The following MECOM variants were observed in gnomAD, a reference collection of about 807,000 sequenced individuals.
MECOM encodes the protein histone-lysine N-methyltransferase MECOM.
Under a neutral mutation model 116.3 loss-of-function variants are expected in MECOM, and 13 were observed. That is an observed-to-expected ratio of 0.11 (90% CI 0.07 to 0.18). The LOEUF (loss-of-function observed/expected upper bound fraction) is 0.18. MECOM is among the 10% of genes least tolerant of loss of function. MECOM has a pLI of 1.00. For synonymous variants in MECOM, 528 were observed against 535.2 expected, an observed-to-expected ratio of 0.99 and a Z score of 0.19; for missense variants, 1,299 against 1,509.0, an observed-to-expected ratio of 0.86 and a Z score of 2.31.
At chr3:169,555,623 C>T in intron 1 of MECOM, among the ~76,000 whole-genome samples, 1 of 152,168 alleles carries the variant, frequency 6.6e-6, no homozygotes, top group East Asian at 1.9e-4. Flanking sequence ...ATCTTGAATG[C>T]CCAGCCTGAC....
At chr3:169,102,925 G>A (rs1724088501) in intron 10 of MECOM, among the ~76,000 whole-genome samples, 1 of 151,790 alleles carries the variant, frequency 6.6e-6, no homozygotes, top group South Asian at 2.1e-4. Flanking sequence ...AACTTGGCAT[G>A]TGCCTTGTAA....
intron 2 of MECOM, among the ~76,000 whole-genome samples, chr3:169,299,579 A>T (rs1031136068): frequency 7.9e-5 from 12 of 152,140 alleles, no homozygotes; most frequent in African/African-American, 2.9e-4. Flanking sequence ...GACCAGACAG[A>T]CCCCATCTCA....
At chr3:169,186,386 G>A (rs372010932) in intron 2 of MECOM, among the ~76,000 whole-genome samples, 20 of 72,604 alleles carry the variant, frequency 2.8e-4, no homozygotes, top group African/African-American at 6.9e-4. Context: ...GGAAGGGAGG[G>A]AGGGAGGGAG....
At chr3:169,652,038 T>G (rs961492389) in intron 1 of MECOM, among the ~76,000 whole-genome samples, 2 of 152,124 alleles carry the variant, frequency 1.3e-5, no homozygotes, top group Non-Finnish European at 2.9e-5. Context: ...GAAAAAAGAT[T>G]GATAAAAACT....
intron 1 of MECOM, among the ~76,000 whole-genome samples, chr3:169,457,972 C>T (rs1463615543): frequency 6.6e-6 from 1 of 152,222 alleles, no homozygotes; most frequent in Non-Finnish European, 1.5e-5. Context: ...TATTACCTGC[C>T]TAAGCAAATC....
chr3:169,417,768 C>T (rs1738928234), intron 1 of MECOM, among the ~76,000 whole-genome samples: 1 of 151,996 alleles, frequency 6.6e-6, no homozygotes. Context: ...CCATGGAATA[C>T]TATGCAGCCA....
chr3:169,311,482 G>T (rs1443487054), intron 2 of MECOM, among the ~76,000 whole-genome samples: 2 of 152,170 alleles, frequency 1.3e-5, no homozygotes, highest in African/African-American at 4.8e-5. Context: ...TGATTAGCTT[G>T]TAGTGCACAT....
In MECOM at chr3:169,648,726, A is replaced by G. The variant is rs76104579; in HGVS notation, c.37+14610T>C. Among the ~76,000 whole-genome samples, 467 of 152,372 alleles carry G rather than the reference A, an allele frequency of 3.1e-3. 3 individuals are homozygous for G. Among genetic ancestry groups the G allele is most frequent in the African/African-American group, 0.011 (447 of 41,596 alleles). On this transcript the variant is annotated intron_variant, in intron 1 of 16. Transcript: ENST00000651503. ...TATTCTTATTTCTGTTTCATGAACA[A>G]GAAAATCACATGCCAGCCTGAAAGA...
At chr3:169,480,497 C>CT (rs1253350845) in intron 1 of MECOM, among the ~76,000 whole-genome samples, 1 of 152,144 alleles carries the variant, frequency 6.6e-6, no homozygotes, top group East Asian at 1.9e-4. Flanking sequence ...CTCTTTCCCA[C>CT]TTTTTTTCTC....
intron 2 of MECOM, among the ~76,000 whole-genome samples, chr3:169,170,519 C>T (rs373070469): frequency 1.3e-5 from 2 of 151,816 alleles, no homozygotes; most frequent in East Asian, 3.9e-4. Flanking sequence ...GATGAAGTCA[C>T]AGCTCAAATG....
chr3:169,087,622 A>G (rs1718253557), intron 16 of MECOM, among the ~76,000 whole-genome samples: 1 of 152,058 alleles, frequency 6.6e-6, no homozygotes, highest in Non-Finnish European at 1.5e-5. Context: ...AGTAACAAAA[A>G]ACCAAAAACC....
chr3:169,566,020 C>A, intron 1 of MECOM: 1 of 425,154 alleles, frequency 2.4e-6, no homozygotes, highest in South Asian at 1.7e-5. Flanking sequence ...TGGTGGAAGG[C>A]GAAGGGGAAA....
At chr3:169,250,890 T>G (rs1756167758) in intron 2 of MECOM, among the ~76,000 whole-genome samples, 1 of 152,218 alleles carries the variant, frequency 6.6e-6, no homozygotes, top group Admixed American at 6.5e-5. Flanking sequence ...GCCAGCATTT[T>G]GAGAATAGAG....
intron 1 of MECOM, among the ~76,000 whole-genome samples, chr3:169,440,674 T>G (rs1056080759): frequency 4.6e-5 from 7 of 152,212 alleles, no homozygotes; most frequent in African/African-American, 1.7e-4. Context: ...TAATGAGACC[T>G]GTTATCATTG....
At chr3:169,227,485 T>C (rs1485455354) in intron 2 of MECOM, among the ~76,000 whole-genome samples, 1 of 152,204 alleles carries the variant, frequency 6.6e-6, no homozygotes, top group African/African-American at 2.4e-5. Context: ...GTATAGATTT[T>C]CTTTTCTCTG....
chr3:169,109,397 T>C (rs574867924), intron 9 of MECOM, among the ~76,000 whole-genome samples: 20 of 151,214 alleles, frequency 1.3e-4, no homozygotes, highest in African/African-American at 1.7e-4. Context: ...CTTTTAATTT[T>C]GATGTATGCA....
intron 1 of MECOM, among the ~76,000 whole-genome samples, chr3:169,620,658 G>A (rs1330337090): frequency 6.6e-6 from 1 of 152,182 alleles, no homozygotes; most frequent in African/African-American, 2.4e-5. Flanking sequence ...ACCCTAGTGA[G>A]GGCAGAATAT....
intron 2 of MECOM, among the ~76,000 whole-genome samples, chr3:169,265,872 A>G (rs562542827): frequency 2.0e-5 from 3 of 152,192 alleles, no homozygotes; most frequent in South Asian, 2.1e-4. Flanking sequence ...ACAAGGAGGT[A>G]CGAGGCAGCA....
intron 1 of MECOM, among the ~76,000 whole-genome samples, chr3:169,573,713 A>C (rs1764182933): frequency 6.6e-6 from 1 of 152,156 alleles, no homozygotes; most frequent in Non-Finnish European, 1.5e-5. Flanking sequence ...ATATCTTCAT[A>C]TCTCCCAAGG....
Sources: allele counts gnomAD v4.1 joint callset (sites outside exome capture counted in the v4.1 genomes callset), GRCh38; gene constraint gnomAD v4.1.1; transcripts MANE v1.5; gene names NCBI Gene and HGNC (gene_info 2026-07-23, HGNC 2026-07-21).